Variants in IQCK observed in about 807,000 individuals in gnomAD.
The protein encoded by IQCK is IQ domain-containing protein K.
Under a neutral mutation model 28.1 loss-of-function variants are expected in IQCK, and 29 were observed. The observed-to-expected ratio is 1.03, with a 90% CI of 0.77 to 1.41. IQCK has a LOEUF of 1.41. Among genes scored for constraint, IQCK ranks in the 40% most tolerant of loss-of-function variants. The pLI is 0.00. For synonymous variants in IQCK, 113 were observed against 115.1 expected, an observed-to-expected ratio of 0.98 and a Z score of 0.12; for missense variants, 359 against 314.7, an observed-to-expected ratio of 1.14 and a Z score of -1.07.
intron 7 of IQCK, among the ~76,000 whole-genome samples, chr16:19,817,549 A>G (rs768478197): frequency 6.6e-6 from 1 of 152,170 alleles, no homozygotes; most frequent in Non-Finnish European, 1.5e-5. Context: ...AAATCACGCT[A>G]AACTGGTCAG....
At chr16:19,832,214 T>C (rs1567197554) in intron 9 of IQCK, among the ~76,000 whole-genome samples, 1 of 151,910 alleles carries the variant, frequency 6.6e-6, no homozygotes, top group Non-Finnish European at 1.5e-5. Flanking sequence ...AACATCAGAT[T>C]ACATTACCTA....
At chr16:19,767,141 G>A (rs1479301548) in intron 6 of IQCK, among the ~76,000 whole-genome samples, 1 of 152,204 alleles carries the variant, frequency 6.6e-6, no homozygotes, top group Non-Finnish European at 1.5e-5. Flanking sequence ...CAGGCAGGTT[G>A]TCGGGCTCCC....
intron 7 of IQCK, among the ~76,000 whole-genome samples, chr16:19,811,194 C>T (rs1043364894): frequency 5.3e-5 from 8 of 151,954 alleles, no homozygotes; most frequent in East Asian, 3.9e-4. Flanking sequence ...TGGCTTGAGC[C>T]CAGGAGGTTG....
chr16:19,827,770 C>CAGAA (rs1241997190), downstream of IQCK, among the ~76,000 whole-genome samples: 4 of 152,178 alleles, frequency 2.6e-5, no homozygotes, highest in Non-Finnish European at 5.9e-5. Flanking sequence ...GGGCCTTGAT[C>CAGAA]TTCTGCCCTT....
chr16:19,827,039 C>G, exon 8 of IQCK: 2 of 1,613,530 alleles, frequency 1.2e-6, no homozygotes, highest in Non-Finnish European at 1.7e-6. Context: ...CGCTGTGATC[C>G]TGAGATTCAA....
chr16:19,725,235 T>C (rs761363763), intron 1 of IQCK, among the ~76,000 whole-genome samples: 2 of 152,222 alleles, frequency 1.3e-5, no homozygotes, highest in Non-Finnish European at 2.9e-5. Context: ...AGACAGGCTG[T>C]CGCCCAGGCT....
upstream of IQCK, chr16:19,718,275 C>T (rs776722648): frequency 2.3e-5 from 37 of 1,577,964 alleles, no homozygotes; most frequent in South Asian, 2.4e-4. Flanking sequence ...CGCGGCCTTC[C>T]GGCGAACGCG....
intron 7 of IQCK, among the ~76,000 whole-genome samples, chr16:19,810,320 C>A (rs1284638066): frequency 2.0e-5 from 3 of 150,328 alleles, no homozygotes; most frequent in Non-Finnish European, 3.0e-5. Context: ...CACGGTGAAA[C>A]CCTGTCTATA....
intron 4 of IQCK, among the ~76,000 whole-genome samples, chr16:19,737,267 A>C (rs2151686837): frequency 6.6e-6 from 1 of 152,260 alleles, no homozygotes; most frequent in East Asian, 1.9e-4. Flanking sequence ...TAATGATATC[A>C]CCCAACTAGT....
intron 1 of IQCK, among the ~76,000 whole-genome samples, chr16:19,722,899 G>A (rs539239912): frequency 4.0e-5 from 6 of 151,738 alleles, no homozygotes; most frequent in African/African-American, 1.4e-4. Context: ...GTATTTTTAG[G>A]TGGGGTTTCA....
At chr16:19,768,119 A>G (rs1374818140) in intron 6 of IQCK, among the ~76,000 whole-genome samples, 6 of 151,910 alleles carry the variant, frequency 3.9e-5, no homozygotes, top group African/African-American at 1.2e-4. Context: ...AGGAACTAAT[A>G]AATAATATAA....
At chr16:19,754,102 T>A (rs1038590969) in intron 4 of IQCK, among the ~76,000 whole-genome samples, 3 of 152,042 alleles carry the variant, frequency 2.0e-5, no homozygotes, top group East Asian at 1.9e-4. Flanking sequence ...TTATCAGGGT[T>A]CACACCTGGA....
At chr16:19,761,535 A>AC in intron 4 of IQCK, 4 of 299,126 alleles carry the variant, frequency 1.3e-5, no homozygotes, top group Non-Finnish European at 2.0e-5. Flanking sequence ...ACACCTCTAG[A>AC]CTGACTTGAT....
intron 4 of IQCK, among the ~76,000 whole-genome samples, chr16:19,750,531 G>A (rs958450201): frequency 2.0e-5 from 3 of 151,636 alleles, no homozygotes; most frequent in African/African-American, 7.3e-5. Flanking sequence ...GCATGATCTC[G>A]GTTCGCTGCA....
downstream of IQCK, among the ~76,000 whole-genome samples, chr16:19,832,064 A>G (rs578022873): frequency 2.0e-5 from 3 of 152,274 alleles, no homozygotes; most frequent in African/African-American, 7.2e-5. Context: ...AGTAAAAAAT[A>G]TCGTGTCTCG....
intron 7 of IQCK, among the ~76,000 whole-genome samples, chr16:19,803,340 A>G (rs756558565): frequency 8.5e-5 from 13 of 152,142 alleles, no homozygotes; most frequent in South Asian, 4.2e-4. Flanking sequence ...ACAGGGTCTC[A>G]CCATGTTGGC....
At chr16:19,733,223 C>T (rs191705414) in intron 2 of IQCK, among the ~76,000 whole-genome samples, 17 of 151,978 alleles carry the variant, frequency 1.1e-4, no homozygotes, top group African/African-American at 4.1e-4. Context: ...CTGTAGCCGC[C>T]ACCTCCTGAG....
intron 4 of IQCK, among the ~76,000 whole-genome samples, chr16:19,763,253 A>T (rs1459420847): frequency 6.6e-6 from 1 of 152,178 alleles, no homozygotes; most frequent in Non-Finnish European, 1.5e-5. Flanking sequence ...AAAATTTATT[A>T]ACAAAATTAT....
At chr16:19,729,514 T>C (rs146469604) in intron 1 of IQCK, among the ~76,000 whole-genome samples, 34 of 152,286 alleles carry the variant, frequency 2.2e-4, no homozygotes, top group African/African-American at 7.7e-4. Flanking sequence ...TTCCATCATG[T>C]TGGCAAAAGC....
Sources: allele counts gnomAD v4.1 joint callset (sites outside exome capture counted in the v4.1 genomes callset), GRCh38; gene constraint gnomAD v4.1.1; transcripts MANE v1.5; gene names NCBI Gene and HGNC (gene_info 2026-07-23, HGNC 2026-07-21).